The following SPATA6L variants were observed in gnomAD, a reference collection of about 807,000 sequenced individuals.
SPATA6L encodes the protein spermatogenesis associated 6 like, also known as spermatogenesis associated 6-like protein.
A neutral mutation model predicts 49.2 loss-of-function variants in SPATA6L; 68 were observed. The observed-to-expected ratio is 1.38, with a 90% CI of 1.14 to 1.69. The LOEUF is 1.69. SPATA6L is among the 40% of genes most tolerant of loss of function. SPATA6L has a pLI of 0.00. For missense variants in SPATA6L, 668 were observed against 464.3 expected (o/e 1.44, Z -4.03); for synonymous variants, 198 against 165.7 (o/e 1.19, Z -1.50).
intron 3 of SPATA6L, among the ~76,000 whole-genome samples, chr9:4,641,202 G>C (rs530948124): frequency 6.6e-6 from 1 of 151,872 alleles, no homozygotes; most frequent in African/African-American, 2.4e-5. Flanking sequence ...ATATACACAC[G>C]TAACTATATA....
intron 9 of SPATA6L, among the ~76,000 whole-genome samples, chr9:4,612,683 G>A (rs376817466): frequency 6.6e-6 from 1 of 152,210 alleles, no homozygotes; most frequent in African/African-American, 2.4e-5. Flanking sequence ...ATTGAGCTGA[G>A]ACTCTTTGTT....
At chr9:4,661,601 T>C (rs977613958) in intron 2 of SPATA6L, among the ~76,000 whole-genome samples, 2 of 152,140 alleles carry the variant, frequency 1.3e-5, no homozygotes, top group African/African-American at 4.8e-5. Flanking sequence ...TGCAATTACC[T>C]CTAACACCTC....
intron 9 of SPATA6L, among the ~76,000 whole-genome samples, chr9:4,616,544 G>A (rs1051401174): frequency 6.6e-6 from 1 of 152,194 alleles, no homozygotes; most frequent in African/African-American, 2.4e-5. Context: ...AGGTGTAAGT[G>A]TGTCTCTGAC....
downstream of SPATA6L, among the ~76,000 whole-genome samples, chr9:4,597,717 A>C (rs1007317458): frequency 1.3e-5 from 2 of 152,226 alleles, no homozygotes; most frequent in Non-Finnish European, 2.9e-5. Context: ...GGTTCCCAGC[A>C]CAAGGGAAGA....
chr9:4,631,107 A>C (rs1236440091), intron 4 of SPATA6L, among the ~76,000 whole-genome samples: 2 of 151,596 alleles, frequency 1.3e-5, no homozygotes, highest in Non-Finnish European at 2.9e-5. Flanking sequence ...TATGACCTCC[A>C]CTCCTTGCAA....
chr9:4,647,645 T>C (rs1835716930), intron 3 of SPATA6L, among the ~76,000 whole-genome samples: 1 of 152,028 alleles, frequency 6.6e-6, no homozygotes, highest in Non-Finnish European at 1.5e-5. Flanking sequence ...TAAACTTTTC[T>C]TGAGTTCAAA....
chr9:4,597,197 A>T (rs1390934590), downstream of SPATA6L, among the ~76,000 whole-genome samples: 1 of 152,094 alleles, frequency 6.6e-6, no homozygotes, highest in African/African-American at 2.4e-5. Context: ...TCATACCTGT[A>T]AGCCTAGCAT....
chr9:4,646,019 T>C (rs1178013451), intron 3 of SPATA6L, among the ~76,000 whole-genome samples: 1 of 152,204 alleles, frequency 6.6e-6, no homozygotes, highest in East Asian at 1.9e-4. Context: ...AAACCATTTC[T>C]AGTTCACGGG....
chr9:4,640,263 C>T (rs28485105), intron 3 of SPATA6L, among the ~76,000 whole-genome samples: 1,639 of 152,262 alleles, frequency 0.011, 31 homozygotes, highest in African/African-American at 0.037. Flanking sequence ...CCTTTGTAAA[C>T]TGAAGAACAG....
At chr9:4,623,414 T>C (rs924923319) in intron 6 of SPATA6L, among the ~76,000 whole-genome samples, 13 of 152,050 alleles carry the variant, frequency 8.5e-5, no homozygotes, top group African/African-American at 3.1e-4. Context: ...ATACTTGAAC[T>C]AGGGACTCTT....
intron 3 of SPATA6L, among the ~76,000 whole-genome samples, chr9:4,636,646 G>T (rs972593832): frequency 6.6e-6 from 1 of 152,124 alleles, no homozygotes; most frequent in South Asian, 2.1e-4. Context: ...TCTGATGAGG[G>T]TTGCTTTGTT....
At chr9:4,640,633 G>C (rs1025910484) in intron 3 of SPATA6L, among the ~76,000 whole-genome samples, 1 of 152,022 alleles carries the variant, frequency 6.6e-6, no homozygotes. Context: ...CCACTACTAC[G>C]TGCCCGGAGC....
intron 3 of SPATA6L, among the ~76,000 whole-genome samples, chr9:4,653,697 A>C (rs1407600446): frequency 6.6e-6 from 1 of 152,232 alleles, no homozygotes; most frequent in Non-Finnish European, 1.5e-5. Flanking sequence ...TGGGAAGCCC[A>C]GGAGAGAGGA....
chr9:4,606,766 C>T (rs1231552572), intron 9 of SPATA6L, among the ~76,000 whole-genome samples: 1 of 147,904 alleles, frequency 6.8e-6, no homozygotes, highest in East Asian at 2.0e-4. Flanking sequence ...TGCAGTTCCT[C>T]ACCAGCAATG....
intron 3 of SPATA6L, among the ~76,000 whole-genome samples, chr9:4,653,184 T>C (rs556506998): frequency 9.2e-5 from 14 of 152,348 alleles, no homozygotes; most frequent in Non-Finnish European, 1.8e-4. Flanking sequence ...AGAATAGAAC[T>C]GAGACCCTAA....
intron 3 of SPATA6L, among the ~76,000 whole-genome samples, chr9:4,644,754 A>ATAGCTATAC (rs1264818379): frequency 6.6e-6 from 1 of 151,812 alleles, no homozygotes; most frequent in African/African-American, 2.4e-5. Context: ...AAATCACCAG[A>ATAGCTATAC]TAGCTATACT....
intron 5 of SPATA6L, chr9:4,627,449 G>T (rs1027601998): frequency 4.4e-6 from 1 of 225,086 alleles, no homozygotes; most frequent in Admixed American, 5.2e-5. Context: ...TAAGTATTCT[G>T]TAACATACAG....
intron 9 of SPATA6L, among the ~76,000 whole-genome samples, chr9:4,608,835 CAA>C (rs1030736587): frequency 8.6e-5 from 13 of 151,802 alleles, no homozygotes; most frequent in Non-Finnish European, 1.8e-4. Context: ...AAAAACCCTT[CAA>C]AAAATTAATG....
At chr9:4,646,397 A>T (rs1835380715) in intron 3 of SPATA6L, 2 of 780,970 alleles carry the variant, frequency 2.6e-6, no homozygotes, top group African/African-American at 1.8e-5. Flanking sequence ...TTTCAAACAC[A>T]ACTCTTAAGT....
Sources: gnomAD v4.1 joint callset for allele counts (sites outside exome capture counted in the v4.1 genomes callset) on GRCh38, gnomAD v4.1.1 for gene constraint, MANE v1.5 for transcripts, NCBI Gene and HGNC (gene_info 2026-07-23, HGNC 2026-07-21) for gene names.